The following LRRFIP1 variants were observed in gnomAD, a reference collection of about 807,000 sequenced individuals.
LRRFIP1 encodes the protein leucine-rich repeat flightless-interacting protein 1.
A neutral mutation model predicts 104.4 loss-of-function variants in LRRFIP1; 62 were observed. The ratio of observed to expected loss-of-function variants is 0.59; its 90% CI spans 0.48 to 0.73. LRRFIP1 has a LOEUF of 0.73. Among genes scored for constraint, LRRFIP1 ranks in the 30% least tolerant of loss-of-function variants. The pLI, the probability that LRRFIP1 is intolerant of heterozygous loss-of-function variation, is 0.00. For synonymous variants in LRRFIP1, 300 were observed against 299.0 expected (o/e 1.00, Z -0.03); for missense variants, 796 against 824.5 (o/e 0.97, Z 0.42).
rs1415397534 is a variant in LRRFIP1 at position 237,751,076 on chromosome 2, AT to A, written c.796-123del. 18 of 625,224 alleles carry A rather than the reference AT, an allele frequency of 2.9e-5. No homozygotes were observed. In the Admixed American group the frequency reaches 3.9e-4, roughly 13 times the overall value. 38.7% of individuals were successfully genotyped at this position (625,224 alleles called of 1,614,324 possible). Reference sequence around the variant, plus strand: ...GAAGTTTATTTTCCCTTAACGCTTAATAAAATAAAAAAGAAAATTGGGTGCT... The same window carrying A: ...GAAGTTTATTTTCCCTTAACGCTTAAAAAATAAAAAAGAAAATTGGGTGCT... On this transcript the variant is annotated intron_variant, in intron 13 of 23. Coordinates refer to ENST00000308482, the MANE Select transcript of LRRFIP1 (RefSeq NM_001137550.2).
chr2:237,660,003 A>T lies in LRRFIP1; in HGVS notation c.96+32263A>T, dbSNP rs145503596. On this transcript the variant is annotated intron_variant, in intron 1 of 23. Transcript: ENST00000308482. ...TTACAAATCCCATAAGTTACCCCAG[A>T]AAAGATGTTTAGCTTTGTCTTACAT... Among the ~76,000 whole-genome samples, 1,058 of 152,352 alleles carry T rather than the reference A, an allele frequency of 6.9e-3. 18 individuals are homozygous for T. Among genetic ancestry groups the T allele is most frequent in the African/African-American group, 0.025 (1,022 of 41,576 alleles).
intron 3 of LRRFIP1, among the ~76,000 whole-genome samples, chr2:237,715,339 C>T (rs1045178271): frequency 1.3e-5 from 2 of 152,162 alleles, no homozygotes; most frequent in Non-Finnish European, 2.9e-5. Flanking sequence ...CAGAGAGCCT[C>T]GGGAAGAACT....
intron 4 of LRRFIP1, among the ~76,000 whole-genome samples, chr2:237,718,886 T>A (rs2094440083): frequency 6.8e-6 from 1 of 147,622 alleles, no homozygotes; most frequent in African/African-American, 2.4e-5. Context: ...TTTTGTTAAA[T>A]CTTAAGACAT....
At chr2:237,759,289 G>A (rs780986491) in intron 18 of LRRFIP1, among the ~76,000 whole-genome samples, 3 of 152,056 alleles carry the variant, frequency 2.0e-5, no homozygotes, top group African/African-American at 4.8e-5. Flanking sequence ...GGTGGGCCAC[G>A]CCAAGGCGTC....
chr2:237,643,910 A>G (rs1266543357), intron 1 of LRRFIP1, among the ~76,000 whole-genome samples: 2 of 152,234 alleles, frequency 1.3e-5, no homozygotes, highest in Non-Finnish European at 2.9e-5. Context: ...GTGGGTTCTC[A>G]GAAATGTTCT....
At position 237,717,334 on chromosome 2, in the gene LRRFIP1, T is replaced by C. The variant is rs1309267646; in HGVS notation, c.202-428T>C. On this transcript the variant is annotated intron_variant, in intron 3 of 23. Transcript: ENST00000308482. The surrounding 1 kb of genome is among the most constrained non-coding windows in gnomAD (Gnocchi z 4.2). ...TCTCCCCTTCTCCTCTCAGTTTCCC[T>C]GAGGTCCCAACACCGGAATGGCTCT... Among the ~76,000 whole-genome samples, 2 of 152,236 alleles carry C rather than the reference T, an allele frequency of 1.3e-5. No homozygotes were observed. Among genetic ancestry groups the C allele is most frequent in the Non-Finnish European group, 2.9e-5 (2 of 68,024 alleles).
intron 11 of LRRFIP1, among the ~76,000 whole-genome samples, chr2:237,744,865 T>A (rs2057602439): frequency 6.6e-6 from 1 of 152,250 alleles, no homozygotes; most frequent in Admixed American, 6.5e-5. Flanking sequence ...GTCCGGTGCT[T>A]TCCCGTCCTG....
At chr2:237,712,576 A>G (rs1334118033) in intron 2 of LRRFIP1, among the ~76,000 whole-genome samples, 2 of 152,330 alleles carry the variant, frequency 1.3e-5, no homozygotes, top group East Asian at 1.9e-4. Context: ...ATGTGACCCA[A>G]AGGGTGGGGC....
intron 11 of LRRFIP1, among the ~76,000 whole-genome samples, chr2:237,741,657 A>G (rs2150482825): frequency 6.6e-6 from 1 of 152,066 alleles, no homozygotes; most frequent in East Asian, 1.9e-4. Flanking sequence ...GAGAAATCCC[A>G]TCTCTACTAA....
At chr2:237,707,935 G>A (rs2093894445) in intron 1 of LRRFIP1, among the ~76,000 whole-genome samples, 1 of 152,234 alleles carries the variant, frequency 6.6e-6, no homozygotes, top group South Asian at 2.1e-4. Context: ...TGTGTTTTAA[G>A]GGGAAGCTGA....
At chr2:237,709,638 A>T (rs1448243715) in intron 2 of LRRFIP1, among the ~76,000 whole-genome samples, 1 of 152,118 alleles carries the variant, frequency 6.6e-6, no homozygotes, top group Non-Finnish European at 1.5e-5. Context: ...CATACCCTGC[A>T]GGGTCAGGGC....
chr2:237,760,265 C>T (rs1329423884), intron 19 of LRRFIP1, 60 bp downstream of exon 19: 1 of 1,579,926 alleles, frequency 6.3e-7, no homozygotes, highest in Non-Finnish European at 8.6e-7. Context: ...GTTCACCCTC[C>T]ATGCACTGCT....
At chr2:237,699,605 GC>G (rs1223079672) in intron 1 of LRRFIP1, among the ~76,000 whole-genome samples, 1 of 152,166 alleles carries the variant, frequency 6.6e-6, no homozygotes, top group Non-Finnish European at 1.5e-5. Flanking sequence ...GCCTGCCTCG[GC>G]CTCCCAAAGT....
chr2:237,745,463 T>A (rs2057713727), intron 11 of LRRFIP1, among the ~76,000 whole-genome samples: 2 of 152,252 alleles, frequency 1.3e-5, no homozygotes, highest in Admixed American at 1.3e-4. Context: ...AGGACTTTTT[T>A]AAAATGATAA....
intron 1 of LRRFIP1, among the ~76,000 whole-genome samples, chr2:237,699,065 C>T (rs1404081775): frequency 6.6e-6 from 1 of 152,236 alleles, no homozygotes; most frequent in Admixed American, 6.5e-5. Flanking sequence ...CTGCACACAC[C>T]TGTGCCTGGC....
At chr2:237,683,346 G>T (rs1193445701) in intron 1 of LRRFIP1, 3 of 152,290 alleles carry the variant, frequency 2.0e-5, no homozygotes, top group African/African-American at 7.2e-5. Flanking sequence ...GAGGTACAGG[G>T]TATAAAGGTG....
At chr2:237,696,593 T>G (rs931305387) in intron 1 of LRRFIP1, among the ~76,000 whole-genome samples, 3 of 152,220 alleles carry the variant, frequency 2.0e-5, no homozygotes, top group African/African-American at 7.2e-5. Flanking sequence ...AGCAGATCGT[T>G]TTCTCTCAGT....
intron 1 of LRRFIP1, among the ~76,000 whole-genome samples, chr2:237,628,088 G>C (rs981055658): frequency 2.6e-5 from 4 of 152,094 alleles, no homozygotes; most frequent in African/African-American, 9.6e-5. Flanking sequence ...GGGTGGGGGC[G>C]AGCGCCCCGC....
At chr2:237,706,538 A>G (rs1301001855) in intron 1 of LRRFIP1, among the ~76,000 whole-genome samples, 1 of 152,154 alleles carries the variant, frequency 6.6e-6, no homozygotes, top group Non-Finnish European at 1.5e-5. Context: ...GGCCTTGGTC[A>G]CTTTGCTGGC....
Sources: gnomAD v4.1 joint callset for allele counts (sites outside exome capture counted in the v4.1 genomes callset) on GRCh38, gnomAD v4.1.1 for gene constraint, Gnocchi (gnomAD v3.1) non-coding constraint, MANE v1.5 for transcripts, NCBI Gene and HGNC (gene_info 2026-07-23, HGNC 2026-07-21) for gene names.